Variants in FAM110D observed in about 807,000 individuals in gnomAD.
The protein encoded by FAM110D is family with sequence similarity 110 member D.
For synonymous variants in FAM110D, 174 were observed against 189.4 expected (o/e 0.92, Z 0.67); for missense variants, 376 against 395.6 (o/e 0.95, Z 0.42).
chr1:26,160,571 C>T (rs1426746616), intron 1 of FAM110D, among the ~76,000 whole-genome samples: 1 of 152,224 alleles, frequency 6.6e-6, no homozygotes, highest in African/African-American at 2.4e-5. Flanking sequence ...AGCCAGTTTC[C>T]TCTTCATGAA....
Position 26,161,652 on chromosome 1 carries a change from C to T in FAM110D, c.361C>T (p.Pro121Ser). 1 of 1,552,354 alleles carries T rather than the reference C, an allele frequency of 6.4e-7. No individual in the cohort carries two copies. The highest frequency in any genetic ancestry group is 8.7e-7 in the Non-Finnish European group (1 of 1,148,336). The change falls in exon 2 of 2, where the codon CCG (proline) becomes TCG (serine). Residue 121 changes from proline to serine, a missense_variant. Coordinates refer to ENST00000374268, the MANE Select transcript of FAM110D (RefSeq NM_024869.3). The surrounding 1 kb of genome is among the most constrained non-coding windows in gnomAD (Gnocchi z 5.4). ...TCTGGGTGCCCCGCGGGACGCTGCC[C>T]CGAGCAGCCCGGCCTCCACAGAGCG... The part of the protein sequence containing the change: ...LFLGAPRDAA[P>S]SSPASTERPA...
intron 1 of FAM110D, among the ~76,000 whole-genome samples, chr1:26,160,099 T>TC (rs1451179331): frequency 7.0e-6 from 1 of 142,346 alleles, no homozygotes; most frequent in East Asian, 2.0e-4. Context: ...TTTTTTTCTT[T>TC]TTTTTTTTTT....
At position 26,161,640 on chromosome 1, in the gene FAM110D, C is replaced by T; in HGVS notation, c.349C>T (p.Arg117Trp). 6.4e-7 allele frequency: 1 copy of T among 1,551,928 alleles called. No individual in the cohort carries two copies. The highest frequency in any genetic ancestry group is 8.7e-7 in the Non-Finnish European group (1 of 1,147,978). Residue 117 changes from arginine to tryptophan, a missense_variant, in exon 2 of 2, where the codon CGG (arginine) becomes TGG (tryptophan). Transcript: ENST00000374268. The surrounding 1 kb of genome is among the most constrained non-coding windows in gnomAD (Gnocchi z 5.4). ...GCGGCGCCTCTTTCTGGGTGCCCCGCGGGACGCTGCCCCGAGCAGCCCGGC... is the reference window on the plus strand; with the variant it reads ...GCGGCGCCTCTTTCTGGGTGCCCCGTGGGACGCTGCCCCGAGCAGCCCGGC... ...LVRRLFLGAP[R>W]DAAPSSPAST... is the part of the protein sequence containing the mutation.
rs1425548681 is a variant in FAM110D at position 26,162,836 on chromosome 1, T to C, written c.*729T>C. The stretch of plus-strand genomic sequence containing the variant: ...GTATGAAGGGCTGAGATCCAACCTT[T>C]CGGACACAAAAAGAAGGGAACCGGG... On this transcript the variant is annotated 3_prime_UTR_variant, in exon 2 of 2. Coordinates refer to ENST00000374268, the MANE Select transcript of FAM110D (RefSeq NM_024869.3). This position sits in a 1 kb window ranked among gnomAD's most constrained non-coding sequence, Gnocchi z 5.3. 6.6e-6 allele frequency: 1 copy of C among 152,050 alleles called. No individual in the cohort carries two copies. Among genetic ancestry groups the C allele is most frequent in the Non-Finnish European group, 1.5e-5 (1 of 68,026 alleles). The allele number at this position is 152,050 out of a possible 1,614,324, so 9.4% of individuals were successfully genotyped here.
Position 26,162,478 on chromosome 1 carries a change from AGAACTT to A in FAM110D, c.*374_*379del, listed in dbSNP as rs944697203. The A allele has an allele frequency of 1.0e-4, 20 of 196,076 alleles. No individual in the cohort carries two copies. The highest frequency in any genetic ancestry group is 4.7e-4 in the African/African-American group (20 of 42,712). 12.1% of individuals were successfully genotyped at this position (196,076 alleles called of 1,614,324 possible). A position where few individuals can be genotyped will look rare whatever the true frequency, so the allele number is the denominator to read the frequency against. On this transcript the variant is annotated 3_prime_UTR_variant, in exon 2 of 2. Coordinates refer to ENST00000374268, the MANE Select transcript of FAM110D (RefSeq NM_024869.3). The surrounding 1 kb of genome is among the most constrained non-coding windows in gnomAD (Gnocchi z 5.3). ...GTTCCCGGCTGTGTGATCCTGGGCA[AGAACTT>A]GACCTCCCTGGACGCAGCGGCACCC...
At position 26,161,597 on chromosome 1, in the gene FAM110D, CA is replaced by C. The variant is rs1232486390; in HGVS notation, c.308del (p.Lys103ArgfsTer252). 2 of 1,550,448 alleles carry C rather than the reference CA, an allele frequency of 1.3e-6. No individual in the cohort carries two copies. ...AGGCTTCGGTGAACAAAGAGAACGC[CA>C]AGGGCCAGGGTCTGGTGCGGCGCCT... ...CKASVNKENA[K>X]GQGLVRRLFL... On this transcript the variant is annotated frameshift_variant, in exon 2 of 2. Coordinates refer to ENST00000374268, the MANE Select transcript of FAM110D (RefSeq NM_024869.3). LOFTEE classifies it low-confidence loss of function (END_TRUNC). The surrounding 1 kb of genome is among the most constrained non-coding windows in gnomAD (Gnocchi z 5.4).
chr1:26,161,423 TG>T lies in FAM110D; in HGVS notation c.135del (p.Ser46ValfsTer52). On this transcript the variant is annotated frameshift_variant, in exon 2 of 2. Coordinates refer to ENST00000374268, the MANE Select transcript of FAM110D (RefSeq NM_024869.3). LOFTEE classifies it low-confidence loss of function (END_TRUNC). The surrounding 1 kb of genome is among the most constrained non-coding windows in gnomAD (Gnocchi z 5.4). The stretch of plus-strand genomic sequence containing the variant: ...CTAGGCGACAGGAGCCAGCCCTGCG[TG>T]GGAGTCCTGGGCCGCTCACGCCGCA... The part of the protein sequence containing the change: ...IARRQEPALR[G>X]SPGPLTPHPC... The T allele has an allele frequency of 1.3e-6, 2 of 1,592,302 alleles. No homozygotes were observed. The highest frequency in any genetic ancestry group is 1.7e-6 in the Non-Finnish European group (2 of 1,169,792).
chr1:26,161,995 C>T lies in FAM110D; in HGVS notation c.704C>T (p.Ser235Leu). The T allele has an allele frequency of 1.6e-6, 2 of 1,233,386 alleles. No individual in the cohort carries two copies. Among genetic ancestry groups the T allele is most frequent in the Non-Finnish European group, 2.0e-6 (2 of 991,996 alleles). The allele number at this position is 1,233,386 out of a possible 1,614,324, so 76.4% of individuals were successfully genotyped here. A position where few individuals can be genotyped will look rare whatever the true frequency, so the allele number is the denominator to read the frequency against. ...GGGGGSEAAG[S>L]ARDRRPPVSV... Reference sequence around the variant, plus strand: ...GGCGGCGGCTCGGAGGCAGCGGGCTCGGCGCGGGACCGGCGCCCCCCGGTG... The same window carrying T: ...GGCGGCGGCTCGGAGGCAGCGGGCTTGGCGCGGGACCGGCGCCCCCCGGTG... The change falls in exon 2 of 2, where the codon TCG becomes TTG. Residue 235 changes from serine to leucine, a missense_variant. Coordinates refer to ENST00000374268, the MANE Select transcript of FAM110D (RefSeq NM_024869.3). The surrounding 1 kb of genome is among the most constrained non-coding windows in gnomAD (Gnocchi z 5.4).
In FAM110D at chr1:26,161,605, A is replaced by G; in HGVS notation, c.314A>G (p.Gln105Arg). 4 of 1,550,542 alleles carry G rather than the reference A, an allele frequency of 2.6e-6. No homozygotes were observed. The highest frequency in any genetic ancestry group is 3.5e-6 in the Non-Finnish European group (4 of 1,147,064). ...ASVNKENAKG[Q>R]GLVRRLFLGA... is the part of the protein sequence containing the mutation. Reference sequence around the variant, plus strand: ...GTGAACAAAGAGAACGCCAAGGGCCAGGGTCTGGTGCGGCGCCTCTTTCTG... The same window carrying G: ...GTGAACAAAGAGAACGCCAAGGGCCGGGGTCTGGTGCGGCGCCTCTTTCTG... The change falls in exon 2 of 2, where the codon CAG (glutamine) becomes CGG (arginine). Residue 105 changes from glutamine to arginine, a missense_variant. Transcript: ENST00000374268. The surrounding 1 kb of genome is among the most constrained non-coding windows in gnomAD (Gnocchi z 5.4).
chr1:26,163,330 CTCT>C lies in FAM110D; in HGVS notation c.*1225_*1227del, dbSNP rs2088389641. On this transcript the variant is annotated 3_prime_UTR_variant, in exon 2 of 2. Transcript: ENST00000374268. The stretch of plus-strand genomic sequence containing the variant: ...GTTCCTTTTCTCTCTGCTCTTCCTT[CTCT>C]TTTTTTTTTTTTTTTTTTTTTTTTT... The C allele has an allele frequency of 1.9e-5, 1 of 52,066 alleles. No individual in the cohort carries two copies. Among genetic ancestry groups the C allele is most frequent in the African/African-American group, 5.6e-5 (1 of 17,778 alleles). 3.2% of individuals were successfully genotyped at this position (52,066 alleles called of 1,614,324 possible). A position where few individuals can be genotyped will look rare whatever the true frequency, so the allele number is the denominator to read the frequency against.
chr1:26,161,959 G>A lies in FAM110D; in HGVS notation c.668G>A (p.Gly223Asp). The part of the protein sequence containing the change: ...SSDRGVDSPG[G>D]AGGGGGSEAA... ...GACAGGGGCGTGGACAGCCCGGGCG[G>A]CGCGGGCGGCGGCGGCGGCTCGGAG... is the stretch of plus-strand genomic sequence containing the variant. Residue 223 changes from glycine to aspartate, a missense_variant, in exon 2 of 2, where the codon GGC (glycine) becomes GAC (aspartate). Physicochemically the swap from Gly to Asp is moderately conservative, Grantham distance 94 (BLOSUM62 -1). Transcript: ENST00000374268. The surrounding 1 kb of genome is among the most constrained non-coding windows in gnomAD (Gnocchi z 5.4). 1 of 1,248,590 alleles carries A rather than the reference G, an allele frequency of 8.0e-7. No homozygotes were observed. The highest frequency in any genetic ancestry group is 1.0e-6 in the Non-Finnish European group (1 of 1,001,248). The allele number at this position is 1,248,590 out of a possible 1,614,324, so 77.3% of individuals were successfully genotyped here. A position where few individuals can be genotyped will look rare whatever the true frequency, so the allele number is the denominator to read the frequency against.
At position 26,162,120 on chromosome 1, in the gene FAM110D, C is replaced by CGGACTGGCCCCG. The variant is rs892897459; in HGVS notation, c.*28_*39dup. ...GTCCGAGGTGTGACCGCCGCGGCTC[C>CGGACTGGCCCCG]GGACTGGCCCCGGGACTGGCCCCGG... On this transcript the variant is annotated 3_prime_UTR_variant, in exon 2 of 2. Coordinates refer to ENST00000374268, the MANE Select transcript of FAM110D (RefSeq NM_024869.3). This position sits in a 1 kb window ranked among gnomAD's most constrained non-coding sequence, Gnocchi z 5.3. The CGGACTGGCCCCG allele has an allele frequency of 2.4e-6, 3 of 1,253,754 alleles. No homozygotes were observed. Among genetic ancestry groups the CGGACTGGCCCCG allele is most frequent in the African/African-American group, 3.1e-5 (2 of 64,444 alleles). The allele number at this position is 1,253,754 out of a possible 1,614,324, so 77.7% of individuals were successfully genotyped here. A position where few individuals can be genotyped will look rare whatever the true frequency, so the allele number is the denominator to read the frequency against.
Position 26,162,140 on chromosome 1 carries a change from C to T in FAM110D, c.*33C>T. 8.2e-7 allele frequency: 1 copy of T among 1,216,896 alleles called. No individual in the cohort carries two copies. The allele number at this position is 1,216,896 out of a possible 1,614,324, so 75.4% of individuals were successfully genotyped here. ...GGCTCCGGACTGGCCCCGGGACTGGCCCCGGGCACGGAAAAGGACACCCCT... is the reference window on the plus strand; with the variant it reads ...GGCTCCGGACTGGCCCCGGGACTGGTCCCGGGCACGGAAAAGGACACCCCT... On this transcript the variant is annotated 3_prime_UTR_variant, in exon 2 of 2. Transcript: ENST00000374268. The surrounding 1 kb of genome is among the most constrained non-coding windows in gnomAD (Gnocchi z 5.3).
Position 26,161,326 on chromosome 1 carries a change from G to C in FAM110D, c.35G>C (p.Gly12Ala), listed in dbSNP as rs768282431. The C allele has an allele frequency of 4.4e-6, 7 of 1,590,264 alleles. No individual in the cohort carries two copies. The South Asian group carries it at 6.9e-5, about 16-fold the overall frequency. The change falls in exon 2 of 2, where the codon GGA becomes GCA. Residue 12 changes from glycine (G) to alanine (A), a missense_variant. Physicochemically the swap from Gly to Ala is moderately conservative, Grantham distance 60. Transcript: ENST00000374268. This position sits in a 1 kb window ranked among gnomAD's most constrained non-coding sequence, Gnocchi z 5.4. ...LLAPPSTPSR[G>A]RTPSAVERLE... Reference sequence around the variant, plus strand: ...GCCCCTCCCTCCACCCCGTCCAGAGGACGGACCCCCAGCGCCGTGGAGAGG... The same window carrying C: ...GCCCCTCCCTCCACCCCGTCCAGAGCACGGACCCCCAGCGCCGTGGAGAGG...
chr1:26,161,504 C>T lies in FAM110D; in HGVS notation c.213C>T (p.Arg71=). ...PASPRTPRPV[R]RGSGRRLPRP... ...CGCCCAGGACGCCCAGGCCGGTCCGCCGGGGAAGCGGCAGGCGGCTGCCGA... is the reference window on the plus strand; with the variant it reads ...CGCCCAGGACGCCCAGGCCGGTCCGTCGGGGAAGCGGCAGGCGGCTGCCGA... Residue 71 remains arginine, a synonymous_variant, in exon 2 of 2, where the codon CGC becomes CGT. Coordinates refer to ENST00000374268, the MANE Select transcript of FAM110D (RefSeq NM_024869.3). This position sits in a 1 kb window ranked among gnomAD's most constrained non-coding sequence, Gnocchi z 5.4. 2.6e-6 allele frequency: 4 copies of T among 1,552,494 alleles called. No individual in the cohort carries two copies. The highest frequency in any genetic ancestry group is 3.5e-6 in the Non-Finnish European group (4 of 1,148,096).
chr1:26,160,430 A>G (rs557823003), intron 1 of FAM110D, among the ~76,000 whole-genome samples: 26 of 152,108 alleles, frequency 1.7e-4, no homozygotes, highest in African/African-American at 3.6e-4. Flanking sequence ...GAGAGATCCA[A>G]TCTGAACTGC....
Position 26,162,184 on chromosome 1 carries a change from C to T in FAM110D, c.*77C>T. On this transcript the variant is annotated 3_prime_UTR_variant, in exon 2 of 2. Coordinates refer to ENST00000374268, the MANE Select transcript of FAM110D (RefSeq NM_024869.3). The surrounding 1 kb of genome is among the most constrained non-coding windows in gnomAD (Gnocchi z 5.3). ...CACCCCTCTTCTGGCGCGCTGGGTG[C>T]CTTTGCGTAAGCCCTTCCTTCTGGA... 1 of 948,306 alleles carries T rather than the reference C, an allele frequency of 1.1e-6. No homozygotes were observed. Among genetic ancestry groups the T allele is most frequent in the Non-Finnish European group, 1.4e-6 (1 of 721,762 alleles). 58.7% of individuals were successfully genotyped at this position (948,306 alleles called of 1,614,324 possible).
chr1:26,163,019 A>G lies in FAM110D; in HGVS notation c.*912A>G, dbSNP rs2088385104. On this transcript the variant is annotated 3_prime_UTR_variant, in exon 2 of 2. Coordinates refer to ENST00000374268, the MANE Select transcript of FAM110D (RefSeq NM_024869.3). ...GAGGCGCGCGCCTGTAATCCCAGCT[A>G]CTCGGGAGGCTGAGGCAGGAGAATC... is the stretch of plus-strand genomic sequence containing the variant. 6.6e-6 allele frequency: 1 copy of G among 151,924 alleles called. No homozygotes were observed. Among genetic ancestry groups the G allele is most frequent in the Non-Finnish European group, 1.5e-5 (1 of 68,046 alleles). The allele number at this position is 151,924 out of a possible 1,614,324, so 9.4% of individuals were successfully genotyped here. A position where few individuals can be genotyped will look rare whatever the true frequency, so the allele number is the denominator to read the frequency against.
rs746273780 is a variant in FAM110D, at chr1:26,161,641, G to A, written c.350G>A (p.Arg117Gln). Residue 117 changes from arginine to glutamine, a missense_variant, in exon 2 of 2, where the codon CGG (arginine) becomes CAG (glutamine). Transcript: ENST00000374268. This position sits in a 1 kb window ranked among gnomAD's most constrained non-coding sequence, Gnocchi z 5.4. ...CGGCGCCTCTTTCTGGGTGCCCCGC[G>A]GGACGCTGCCCCGAGCAGCCCGGCC... ...LVRRLFLGAP[R>Q]DAAPSSPAST... 1.9e-6 allele frequency: 3 copies of A among 1,552,076 alleles called. No homozygotes were observed. The highest frequency in any genetic ancestry group is 2.4e-5 in the South Asian group (2 of 84,174).
Sources: allele counts gnomAD v4.1 joint callset (sites outside exome capture counted in the v4.1 genomes callset), GRCh38; gene constraint gnomAD v4.1.1; non-coding constraint Gnocchi (gnomAD v3.1); transcripts MANE v1.5; gene names NCBI Gene and HGNC (gene_info 2026-07-23, HGNC 2026-07-21).